PDE11A: variants seen among roughly 807,000 people sequenced by gnomAD.
PDE11A encodes the protein dual 3',5'-cyclic-AMP and -GMP phosphodiesterase 11A.
Under a neutral mutation model 100.5 loss-of-function variants are expected in PDE11A, and 100 were observed. That is an observed-to-expected ratio of 1.00 (90% CI 0.85 to 1.18). The LOEUF (loss-of-function observed/expected upper bound fraction) is 1.18, where lower values mean the gene tolerates loss of function less well. Among genes scored for constraint, PDE11A ranks in the 50% most tolerant of loss-of-function variants. PDE11A has a pLI of 0.00. For synonymous variants in PDE11A, 381 were observed against 420.8 expected, an observed-to-expected ratio of 0.91 and a Z score of 1.16; for missense variants, 1,141 against 1,152.6, an observed-to-expected ratio of 0.99 and a Z score of 0.15.
chr2:177,735,967 C>A (rs529490798), intron 10 of PDE11A, among the ~76,000 whole-genome samples: 1 of 152,210 alleles, frequency 6.6e-6, no homozygotes, highest in Non-Finnish European at 1.5e-5. Context: ...GGGCCGTTTT[C>A]GTATGGGAAA....
chr2:178,074,183 A>G (rs1219396320), upstream of PDE11A, among the ~76,000 whole-genome samples: 2 of 152,166 alleles, frequency 1.3e-5, no homozygotes, highest in African/African-American at 4.8e-5. Context: ...GCAAATCCAT[A>G]CAGACAGAAA....
intron 4 of PDE11A, among the ~76,000 whole-genome samples, chr2:177,878,656 A>G (rs2084279665): frequency 6.6e-6 from 1 of 152,154 alleles, no homozygotes; most frequent in South Asian, 2.1e-4. Flanking sequence ...ACAGCAAATT[A>G]AGGCTTAGGG....
intron 2 of PDE11A, among the ~76,000 whole-genome samples, chr2:178,082,687 C>A (rs1421302122): frequency 6.6e-6 from 1 of 152,104 alleles, no homozygotes; most frequent in African/African-American, 2.4e-5. Context: ...GGCCCACGTA[C>A]AAAAAAACAG....
At chr2:177,851,298 A>T (rs530542419) in intron 5 of PDE11A, among the ~76,000 whole-genome samples, 1 of 151,888 alleles carries the variant, frequency 6.6e-6, no homozygotes, top group African/African-American at 2.4e-5. Flanking sequence ...AAAAAACCAA[A>T]CACCGCATGT....
intron 10 of PDE11A, among the ~76,000 whole-genome samples, chr2:177,739,138 G>T (rs2081836287): frequency 6.6e-6 from 1 of 152,200 alleles, no homozygotes; most frequent in Non-Finnish European, 1.5e-5. Context: ...AACAATGTTA[G>T]AGGGCAAAGG....
Position 178,053,496 on chromosome 2 carries a change from G to A in PDE11A, c.912+18030C>T, listed in dbSNP as rs1574370618. Reference sequence around the variant, plus strand: ...TCTCACCACTCCTATTCAACATAGTGTTGGAAGTTCTGGCCAGGGCAATCA... The same window carrying A: ...TCTCACCACTCCTATTCAACATAGTATTGGAAGTTCTGGCCAGGGCAATCA... On this transcript the variant is annotated intron_variant, in intron 1 of 19. Transcript: ENST00000286063. Among the ~76,000 whole-genome samples the A allele has an allele frequency of 2.0e-5, 3 of 152,278 alleles. No homozygotes were observed. The South Asian group carries it at 6.2e-4, about 32-fold the overall frequency.
At chr2:177,995,163 C>G (rs1262513715) in intron 2 of PDE11A, among the ~76,000 whole-genome samples, 1 of 152,196 alleles carries the variant, frequency 6.6e-6, no homozygotes, top group Non-Finnish European at 1.5e-5. Flanking sequence ...GTTGAAATGG[C>G]TTTGGGCCAC....
chr2:177,731,118 C>A (rs2081682375), intron 10 of PDE11A, among the ~76,000 whole-genome samples: 1 of 152,000 alleles, frequency 6.6e-6, no homozygotes, highest in African/African-American at 2.4e-5. Flanking sequence ...GACAGGTTTT[C>A]TTTTTTTTAA....
chr2:177,888,413 T>C (rs2084475339), intron 4 of PDE11A, among the ~76,000 whole-genome samples: 1 of 152,156 alleles, frequency 6.6e-6, no homozygotes, highest in African/African-American at 2.4e-5. Context: ...CAATTGGTTA[T>C]ACACATACTG....
chr2:177,899,279 A>G (rs556785677), intron 3 of PDE11A, among the ~76,000 whole-genome samples: 2 of 152,190 alleles, frequency 1.3e-5, no homozygotes, highest in East Asian at 3.9e-4. Flanking sequence ...GCATGGTGGC[A>G]TGTTCCCGTA....
At chr2:178,019,163 T>C (rs1053009005) in intron 1 of PDE11A, among the ~76,000 whole-genome samples, 6 of 152,246 alleles carry the variant, frequency 3.9e-5, no homozygotes, top group African/African-American at 1.4e-4. Flanking sequence ...CTCTGTTCAG[T>C]TGATATCAGC....
intron 1 of PDE11A, among the ~76,000 whole-genome samples, chr2:178,023,379 T>C (rs1449123731): frequency 6.6e-6 from 1 of 152,234 alleles, no homozygotes; most frequent in Non-Finnish European, 1.5e-5. Context: ...CTTCTCTTTC[T>C]ACTTTCTCAG....
intron 2 of PDE11A, chr2:177,998,818 G>A (rs368566293): frequency 8.1e-5 from 54 of 664,368 alleles, no homozygotes; most frequent in African/African-American, 7.7e-4. Context: ...CATCCTTGCC[G>A]GCACCACTGC....
At chr2:177,860,875 A>G (rs1237100753) in intron 5 of PDE11A, among the ~76,000 whole-genome samples, 1 of 151,898 alleles carries the variant, frequency 6.6e-6, no homozygotes, top group African/African-American at 2.4e-5. Flanking sequence ...CATTTGACAA[A>G]ATCCAACATG....
At position 177,701,021 on chromosome 2, in the gene PDE11A, T is replaced by G; in HGVS notation, c.2244+100A>C. On this transcript the variant is annotated intron_variant, in intron 14 of 19. Coordinates refer to ENST00000286063, the MANE Select transcript of PDE11A (RefSeq NM_016953.4). ...GTTGACTTAGAAATGGTTTTCCCAC[T>G]GCTTTGTGTCTACCTGTGGCACCAC... 3.9e-6 allele frequency: 3 copies of G among 770,154 alleles called. No homozygotes were observed. In the East Asian group the frequency reaches 7.4e-5, roughly 19 times the overall value. 47.7% of individuals were successfully genotyped at this position (770,154 alleles called of 1,614,324 possible). A position where few individuals can be genotyped will look rare whatever the true frequency, so the allele number is the denominator to read the frequency against.
chr2:177,667,473 G>A (rs1237984167), intron 18 of PDE11A, among the ~76,000 whole-genome samples: 2 of 152,124 alleles, frequency 1.3e-5, no homozygotes, highest in African/African-American at 4.8e-5. Flanking sequence ...CTGTGGATAT[G>A]CAGTTGTCCT....
intron 12 of PDE11A, among the ~76,000 whole-genome samples, chr2:177,715,946 G>A (rs2081431459): frequency 6.6e-6 from 1 of 152,200 alleles, no homozygotes; most frequent in Non-Finnish European, 1.5e-5. Flanking sequence ...ATCACGGGGT[G>A]ACTGTGTGGC....
chr2:178,084,715 A>G (rs920511724), intron 2 of PDE11A, among the ~76,000 whole-genome samples: 2 of 152,188 alleles, frequency 1.3e-5, no homozygotes, highest in Non-Finnish European at 2.9e-5. Context: ...AAATACAAGC[A>G]AAAAGAAATG....
At chr2:178,008,503 C>G (rs1234670927) in intron 2 of PDE11A, among the ~76,000 whole-genome samples, 1 of 152,024 alleles carries the variant, frequency 6.6e-6, no homozygotes, top group Non-Finnish European at 1.5e-5. Context: ...AATTTGTTGC[C>G]CCTTCTCAGC....
Sources: gnomAD v4.1 joint callset for allele counts (sites outside exome capture counted in the v4.1 genomes callset) on GRCh38, gnomAD v4.1.1 for gene constraint, MANE v1.5 for transcripts, NCBI Gene and HGNC (gene_info 2026-07-23, HGNC 2026-07-21) for gene names.